Variants in PAK5 observed in about 807,000 individuals in gnomAD.
PAK5 encodes p21 (RAC1) activated kinase 5, also known as serine/threonine-protein kinase PAK 5.
A neutral mutation model predicts 65.9 loss-of-function variants in PAK5; 16 were observed. The observed-to-expected ratio is 0.24, with a 90% CI of 0.16 to 0.37. The LOEUF (loss-of-function observed/expected upper bound fraction) is 0.37, where lower values mean the gene tolerates loss of function less well. Among genes scored for constraint, PAK5 ranks in the 10% least tolerant of loss-of-function variants. PAK5 has a pLI of 1.00. For missense variants in PAK5, 785 were observed against 903.9 expected (o/e 0.87, Z 1.69); for synonymous variants, 371 against 354.9 (o/e 1.05, Z -0.51).
At chr20:9,669,371 G>C (rs532913664) in intron 2 of PAK5, among the ~76,000 whole-genome samples, 1 of 152,178 alleles carries the variant, frequency 6.6e-6, no homozygotes, top group African/African-American at 2.4e-5. Context: ...TAAAGAAACT[G>C]AATTTCCCTT....
chr20:9,769,479 C>T (rs1161284666), intron 1 of PAK5, among the ~76,000 whole-genome samples: 1 of 152,198 alleles, frequency 6.6e-6, no homozygotes, highest in East Asian at 1.9e-4. Flanking sequence ...TGCCATAGGG[C>T]GATGACTTTG....
At chr20:9,744,470 T>G (rs898843606) in intron 1 of PAK5, among the ~76,000 whole-genome samples, 1 of 152,194 alleles carries the variant, frequency 6.6e-6, no homozygotes, top group Non-Finnish European at 1.5e-5. Flanking sequence ...CTGATGACAT[T>G]GGCATTCCCA....
chr20:9,723,717 C>T (rs1734207872), intron 1 of PAK5, among the ~76,000 whole-genome samples: 1 of 152,074 alleles, frequency 6.6e-6, no homozygotes, highest in African/African-American at 2.4e-5. Flanking sequence ...GCCATGTGGC[C>T]CTGGTCACCC....
intron 4 of PAK5, chr20:9,575,505 C>CAATTATCTTGTTTAAA (rs1487766709): frequency 6.6e-6 from 1 of 152,254 alleles, no homozygotes; most frequent in East Asian, 1.9e-4. Context: ...TTTAAAAAAT[C>CAATTATCTTGTTTAAA]AAACAAGACT....
At chr20:9,558,007 C>CT (rs767099640) in intron 6 of PAK5, among the ~76,000 whole-genome samples, 1 of 140,612 alleles carries the variant, frequency 7.1e-6, no homozygotes, top group Non-Finnish European at 1.5e-5. Flanking sequence ...TCCAGGAACT[C>CT]ATTTATTTAT....
intron 4 of PAK5, among the ~76,000 whole-genome samples, chr20:9,572,090 G>C (rs998231437): frequency 7.4e-6 from 1 of 134,382 alleles, no homozygotes; most frequent in African/African-American, 2.8e-5. Flanking sequence ...TGGCTTGTTT[G>C]TTTTGAGCAG....
At chr20:9,548,550 G>C (rs2045380173) in intron 7 of PAK5, among the ~76,000 whole-genome samples, 1 of 152,096 alleles carries the variant, frequency 6.6e-6, no homozygotes. Context: ...TCCATCTCTA[G>C]CTAGAGATGA....
chr20:9,733,249 A>G (rs1205636874), intron 1 of PAK5, among the ~76,000 whole-genome samples: 1 of 152,214 alleles, frequency 6.6e-6, no homozygotes, highest in Admixed American at 6.5e-5. Context: ...GGCAGTGAAT[A>G]TTGATGTTGA....
At chr20:9,670,124 G>A (rs2123364366) in intron 2 of PAK5, among the ~76,000 whole-genome samples, 1 of 152,264 alleles carries the variant, frequency 6.6e-6, no homozygotes, top group East Asian at 1.9e-4. Flanking sequence ...TGGCTGCATA[G>A]TATTCCATGG....
chr20:9,746,735 C>T (rs1321229236), intron 1 of PAK5, among the ~76,000 whole-genome samples: 4 of 152,030 alleles, frequency 2.6e-5, no homozygotes, highest in Non-Finnish European at 4.4e-5. Context: ...CCACAGGAAC[C>T]GCACAGACAT....
At chr20:9,610,460 C>A (rs2046537602) in intron 3 of PAK5, among the ~76,000 whole-genome samples, 1 of 152,122 alleles carries the variant, frequency 6.6e-6, no homozygotes, top group African/African-American at 2.4e-5. Context: ...TGACTGTAGA[C>A]CGATTCTGCA....
intron 1 of PAK5, among the ~76,000 whole-genome samples, chr20:9,766,922 A>G (rs201377811): frequency 6.8e-6 from 1 of 146,680 alleles, no homozygotes; most frequent in Non-Finnish European, 1.5e-5. Context: ...TTTTTTTTTT[A>G]AGAGAGAGAA....
rs188541796 is a variant in PAK5, at chr20:9,803,036, C to A, written c.-162+35726G>T. Reference sequence around the variant, plus strand: ...TAAGTACAGAGCCACTAAGGTGCTGCACTAAAAATATTTCAAGTCAGAAAA... The same window carrying A: ...TAAGTACAGAGCCACTAAGGTGCTGAACTAAAAATATTTCAAGTCAGAAAA... On this transcript the variant is annotated intron_variant, in intron 1 of 9. Transcript: ENST00000353224. 1.3e-3 allele frequency among the ~76,000 whole-genome samples: 196 copies of A among 150,222 alleles called. 3 individuals are homozygous for A. The East Asian group carries it at 0.029, about 22-fold the overall frequency.
intron 4 of PAK5, among the ~76,000 whole-genome samples, chr20:9,575,917 C>T (rs927165754): frequency 6.6e-6 from 1 of 152,158 alleles, no homozygotes; most frequent in African/African-American, 2.4e-5. Flanking sequence ...TGGGGAAGTC[C>T]ATAAAGATTT....
chr20:9,680,646 T>C (rs2047637291), intron 2 of PAK5, among the ~76,000 whole-genome samples: 1 of 152,206 alleles, frequency 6.6e-6, no homozygotes, highest in Admixed American at 6.5e-5. Context: ...CTGAGCATGT[T>C]TCTGTGACCA....
At chr20:9,691,391 C>T (rs1046290667) in intron 2 of PAK5, among the ~76,000 whole-genome samples, 3 of 151,984 alleles carry the variant, frequency 2.0e-5, no homozygotes, top group Non-Finnish European at 2.9e-5. Flanking sequence ...TAAAGGTGAT[C>T]CAAAAAGCTT....
intron 3 of PAK5, among the ~76,000 whole-genome samples, chr20:9,582,263 T>C (rs1444991790): frequency 1.3e-5 from 2 of 152,158 alleles, no homozygotes; most frequent in African/African-American, 4.8e-5. Flanking sequence ...GTTCATTACA[T>C]TTATTTGTTA....
At chr20:9,709,415 G>A (rs1414456426) in intron 2 of PAK5, among the ~76,000 whole-genome samples, 1 of 152,142 alleles carries the variant, frequency 6.6e-6, no homozygotes, top group South Asian at 2.1e-4. Flanking sequence ...CCAGCATCCT[G>A]TACCAGCTTG....
At chr20:9,792,902 G>A (rs537867897) in intron 1 of PAK5, among the ~76,000 whole-genome samples, 22 of 152,140 alleles carry the variant, frequency 1.4e-4, no homozygotes, top group Non-Finnish European at 2.6e-4. Flanking sequence ...GGCAGAAAGC[G>A]AACAGGCAGG....
Sources: gnomAD v4.1 joint callset for allele counts (sites outside exome capture counted in the v4.1 genomes callset) on GRCh38, gnomAD v4.1.1 for gene constraint, MANE v1.5 for transcripts, NCBI Gene and HGNC (gene_info 2026-07-23, HGNC 2026-07-21) for gene names.